FER: variants seen among roughly 807,000 people sequenced by gnomAD.
FER encodes tyrosine-protein kinase Fer.
Under a neutral mutation model 111.0 loss-of-function variants are expected in FER, and 63 were observed. That is an observed-to-expected ratio of 0.57 (90% CI 0.46 to 0.70). The LOEUF is 0.70. Ranked by LOEUF, FER falls within the 30% of genes least tolerant of loss-of-function variation. The pLI, the probability that FER is intolerant of heterozygous loss-of-function variation, is 0.00. For synonymous variants in FER, 327 were observed against 313.9 expected (o/e 1.04, Z -0.44); for missense variants, 914 against 954.0 (o/e 0.96, Z 0.55).
intron 3 of FER, among the ~76,000 whole-genome samples, chr5:108,810,345 C>T (rs1480515492): frequency 2.0e-5 from 3 of 152,180 alleles, no homozygotes; most frequent in Non-Finnish European, 4.4e-5. Context: ...TTGCCTCAGG[C>T]AATTGATTGA....
intron 11 of FER, among the ~76,000 whole-genome samples, chr5:108,947,400 CGTGA>C (rs1757128848): frequency 6.6e-6 from 1 of 151,914 alleles, no homozygotes; most frequent in Admixed American, 6.6e-5. Flanking sequence ...TTCTAGTGGG[CGTGA>C]AGTAGTATCT....
At chr5:109,004,452 A>G (rs1303574684) in intron 13 of FER, among the ~76,000 whole-genome samples, 2 of 152,220 alleles carry the variant, frequency 1.3e-5, no homozygotes, top group African/African-American at 2.4e-5. Flanking sequence ...AACAACAGCA[A>G]AAATGGGAAA....
At chr5:108,993,733 G>C (rs1401803133) in intron 13 of FER, among the ~76,000 whole-genome samples, 2 of 152,008 alleles carry the variant, frequency 1.3e-5, no homozygotes, top group African/African-American at 4.8e-5. Flanking sequence ...TAATCACTTG[G>C]GTGATTCCCA....
At chr5:109,086,836 C>T (rs1777619392) in intron 16 of FER, among the ~76,000 whole-genome samples, 1 of 150,778 alleles carries the variant, frequency 6.6e-6, no homozygotes, top group Non-Finnish European at 1.5e-5. Context: ...ATTTTTTTCC[C>T]ATAATTTTAG....
At chr5:109,115,096 A>T (rs1171017707) in intron 17 of FER, among the ~76,000 whole-genome samples, 1 of 152,016 alleles carries the variant, frequency 6.6e-6, no homozygotes, top group Middle Eastern at 3.2e-3. Context: ...ATCTTAGGAG[A>T]TATTATAAAA....
chr5:109,103,536 G>A (rs974984810), intron 17 of FER, among the ~76,000 whole-genome samples: 1 of 152,164 alleles, frequency 6.6e-6, no homozygotes, highest in African/African-American at 2.4e-5. Flanking sequence ...ACTTCCAGAA[G>A]AGTTCTCTTG....
intron 13 of FER, among the ~76,000 whole-genome samples, chr5:109,031,218 G>C (rs2149861438): frequency 6.6e-6 from 1 of 152,196 alleles, no homozygotes; most frequent in South Asian, 2.1e-4. Context: ...GCCTTCTGTT[G>C]TGGCGGTAGG....
At chr5:109,119,004 C>T (rs1384697513) in intron 17 of FER, among the ~76,000 whole-genome samples, 2 of 147,854 alleles carry the variant, frequency 1.4e-5, no homozygotes, top group African/African-American at 2.5e-5. Flanking sequence ...GTGTCTCTAT[C>T]TCCTTCAGTT....
intron 14 of FER, among the ~76,000 whole-genome samples, chr5:109,042,459 T>C (rs1581765997): frequency 6.6e-6 from 1 of 152,242 alleles, no homozygotes; most frequent in Non-Finnish European, 1.5e-5. Flanking sequence ...CTCACCTCTT[T>C]GGATAGAGAA....
In FER at chr5:108,832,783, T is replaced by C. The variant is rs1561484061; in HGVS notation, c.221T>C (p.Met74Thr). 5 of 1,495,908 alleles carry C rather than the reference T, an allele frequency of 3.3e-6. No homozygotes were observed. Among genetic ancestry groups the C allele is most frequent in the East Asian group, 2.4e-5 (1 of 41,184 alleles). 92.7% of individuals were successfully genotyped at this position (1,495,908 alleles called of 1,614,324 possible). Reference protein sequence around the residue: ...VSNVSKSWLLMIQQTEQLSRI... With the variant: ...VSNVSKSWLLTIQQTEQLSRI... ...TTTTTTTTTAAGTCTTGGCTACTTA[T>C]GATTCAGCAGACAGAACAACTTAGT... Residue 74 changes from methionine (M) to threonine (T), a missense_variant, in exon 4 of 20, where the codon ATG (methionine) becomes ACG (threonine). Physicochemically the swap from Met to Thr is moderately conservative, Grantham distance 81. Coordinates refer to ENST00000281092, the MANE Select transcript of FER (RefSeq NM_005246.4).
rs1561502704 is a variant in FER, at chr5:108,845,011, T to TATATAC, written c.481+9209_481+9210insCATATA. On this transcript the variant is annotated intron_variant, in intron 5 of 19. Transcript: ENST00000281092. Reference sequence around the variant, plus strand: ...GTGTGTGTGTGTATATATATATATATATATATATATATATATATATATATA... The same window carrying TATATAC: ...GTGTGTGTGTGTATATATATATATATATATACATATATATATATATATATATATATA... Among the ~76,000 whole-genome samples the TATATAC allele has an allele frequency of 1.3e-4, 5 of 39,438 alleles. No individual in the cohort carries two copies. The East Asian group carries it at 5.2e-3, about 41-fold the overall frequency. 25.9% of individuals were successfully genotyped at this position (39,438 alleles called of 152,430 possible).
intron 10 of FER, among the ~76,000 whole-genome samples, chr5:108,937,076 G>C (rs1366351693): frequency 2.6e-5 from 4 of 151,926 alleles, no homozygotes; most frequent in Non-Finnish European, 5.9e-5. Flanking sequence ...AATAGTTCAA[G>C]TAAATATATT....
At chr5:109,101,347 A>C (rs1050822907) in intron 17 of FER, among the ~76,000 whole-genome samples, 1 of 151,988 alleles carries the variant, frequency 6.6e-6, no homozygotes, top group Non-Finnish European at 1.5e-5. Flanking sequence ...CACTTTATCT[A>C]ACTGGTTTTG....
rs188366175 is a variant in FER, at chr5:108,994,271, T to A, written c.1656+34924T>A. 7.6e-3 allele frequency among the ~76,000 whole-genome samples: 1,159 copies of A among 152,326 alleles called. 10 individuals are homozygous for A. Among genetic ancestry groups the A allele is most frequent in the African/African-American group, 0.027 (1,132 of 41,570 alleles). ...TTGTATTTCAGTCTTTAATCCATCT[T>A]GAGTTAATTTTTGTATAAGGTATAA... On this transcript the variant is annotated intron_variant, in intron 13 of 19. Coordinates refer to ENST00000281092, the MANE Select transcript of FER (RefSeq NM_005246.4).
At chr5:108,840,746 A>G (rs1238928805) in intron 5 of FER, among the ~76,000 whole-genome samples, 1 of 152,172 alleles carries the variant, frequency 6.6e-6, no homozygotes, top group Admixed American at 6.5e-5. Context: ...GCATCCTACC[A>G]GGAGGCACAT....
At chr5:108,977,427 T>C (rs553251467) in intron 13 of FER, among the ~76,000 whole-genome samples, 2 of 152,308 alleles carry the variant, frequency 1.3e-5, no homozygotes, top group African/African-American at 4.8e-5. Flanking sequence ...CTTTTCCAAG[T>C]TGTCTCAAAT....
At chr5:109,162,511 C>T (rs535555750) in intron 17 of FER, among the ~76,000 whole-genome samples, 1 of 152,246 alleles carries the variant, frequency 6.6e-6, no homozygotes, top group East Asian at 1.9e-4. Context: ...GCCTTTTTCT[C>T]TCACAAATAC....
At chr5:108,945,910 G>T (rs954063686) in intron 10 of FER, among the ~76,000 whole-genome samples, 2 of 151,608 alleles carry the variant, frequency 1.3e-5, no homozygotes, top group South Asian at 4.2e-4. Flanking sequence ...CTTTCTTATT[G>T]TTTCCCCCAA....
At chr5:109,002,580 A>G (rs1482561488) in intron 13 of FER, among the ~76,000 whole-genome samples, 2 of 152,202 alleles carry the variant, frequency 1.3e-5, no homozygotes, top group Admixed American at 6.5e-5. Context: ...CTTCATGTCT[A>G]GAACAGCAAA....
Sources: allele counts gnomAD v4.1 joint callset (sites outside exome capture counted in the v4.1 genomes callset), GRCh38; gene constraint gnomAD v4.1.1; transcripts MANE v1.5; gene names NCBI Gene and HGNC (gene_info 2026-07-23, HGNC 2026-07-21).